Variants in EIF4EBP2 observed in about 807,000 individuals in gnomAD.
The protein encoded by EIF4EBP2 is eukaryotic translation initiation factor 4E-binding protein 2.
EIF4EBP2 carries 5 observed loss-of-function variants against 10.3 expected under a neutral mutation model. The observed-to-expected ratio is 0.48, with a 90% confidence interval of 0.25 to 1.02. EIF4EBP2 has a LOEUF of 1.02. Ranked by LOEUF, EIF4EBP2 falls within the 50% of genes least tolerant of loss-of-function variation. The pLI, the probability that EIF4EBP2 is intolerant of heterozygous loss-of-function variation, is 0.15. For synonymous variants in EIF4EBP2, 67 were observed against 61.1 expected (o/e 1.10, Z -0.45); for missense variants, 188 against 162.2 (o/e 1.16, Z -0.86).
At position 70,404,470 on chromosome 10, in the gene EIF4EBP2, C is replaced by T; in HGVS notation, c.69C>T (p.Ala23=). The T allele has an allele frequency of 6.3e-7, 1 of 1,599,748 alleles. No homozygotes were observed. The highest frequency in any genetic ancestry group is 8.5e-7 in the Non-Finnish European group (1 of 1,175,390). Reference sequence around the variant, plus strand: ...GCGCCATCCCCACCCGCACCGTGGCCATCAGCGACGCCGCGCAGCTACCTC... The same window carrying T: ...GCGCCATCCCCACCCGCACCGTGGCTATCAGCGACGCCGCGCAGCTACCTC... ...QSRAIPTRTV[A]ISDAAQLPHD... The change falls in exon 1 of 3, where the codon GCC becomes GCT. Residue 23 remains alanine, a synonymous_variant. Transcript: ENST00000373218.
In EIF4EBP2 at chr10:70,424,424, A is replaced by G. The variant is rs1316038244; in HGVS notation, c.*2677A>G. Reference sequence around the variant, plus strand: ...CTTATGGAGATAAATTGGCATTTAAAAAATAATTTCACAAGGCATGAGATA... The same window carrying G: ...CTTATGGAGATAAATTGGCATTTAAGAAATAATTTCACAAGGCATGAGATA... On this transcript the variant is annotated 3_prime_UTR_variant, in exon 3 of 3. Coordinates refer to ENST00000373218, the MANE Select transcript of EIF4EBP2 (RefSeq NM_004096.5). 6.6e-6 allele frequency: 1 copy of G among 152,232 alleles called. No individual in the cohort carries two copies. Among genetic ancestry groups the G allele is most frequent in the African/African-American group, 2.4e-5 (1 of 41,468 alleles). The allele number at this position is 152,232 out of a possible 1,614,324, so 9.4% of individuals were successfully genotyped here.
At position 70,404,656 on chromosome 10, in the gene EIF4EBP2, C is replaced by A; in HGVS notation, c.145+110C>A. 4.5e-6 allele frequency: 6 copies of A among 1,332,582 alleles called. No individual in the cohort carries two copies. In the South Asian group the frequency reaches 1.0e-4, roughly 22 times the overall value. The allele number at this position is 1,332,582 out of a possible 1,614,324, so 82.5% of individuals were successfully genotyped here. A position where few individuals can be genotyped will look rare whatever the true frequency, so the allele number is the denominator to read the frequency against. ...CCCCCGCCCCCAGCTCCACCGAAGC[C>A]CCGGGGACGCTGCCCTTGGGCCCGC... On this transcript the variant is annotated intron_variant, in intron 1 of 2. Transcript: ENST00000373218.
At position 70,404,262 on chromosome 10, in the gene EIF4EBP2, G is replaced by C; in HGVS notation, c.-140G>C. The C allele has an allele frequency of 8.8e-7, 1 of 1,134,350 alleles. No individual in the cohort carries two copies. Among genetic ancestry groups the C allele is most frequent in the Non-Finnish European group, 1.2e-6 (1 of 858,882 alleles). The allele number at this position is 1,134,350 out of a possible 1,614,324, so 70.3% of individuals were successfully genotyped here. A position where few individuals can be genotyped will look rare whatever the true frequency, so the allele number is the denominator to read the frequency against. ...GGCTGAGAGGGCGGCGGCGGGAGCG[G>C]AGCGGGACGAGGGAACGGGAGGAAG... On this transcript the variant is annotated 5_prime_UTR_variant, in exon 1 of 3. Transcript: ENST00000373218.
chr10:70,410,109 G>T (rs2137225291), intron 1 of EIF4EBP2, among the ~76,000 whole-genome samples: 1 of 151,830 alleles, frequency 6.6e-6, no homozygotes, highest in Non-Finnish European at 1.5e-5. Context: ...CACTCTTGTT[G>T]CCCAGGCTGG....
At chr10:70,421,079 G>A (rs1021361378) in intron 2 of EIF4EBP2, among the ~76,000 whole-genome samples, 1 of 152,244 alleles carries the variant, frequency 6.6e-6, no homozygotes, top group Non-Finnish European at 1.5e-5. Context: ...ACAGGTGTGA[G>A]CCACTGCGCC....
Position 70,420,078 on chromosome 10 carries a change from C to G in EIF4EBP2, c.310C>G (p.His104Asp), listed in dbSNP as rs778415969. 3.7e-6 allele frequency: 6 copies of G among 1,608,094 alleles called. No individual in the cohort carries two copies. The South Asian group carries it at 6.7e-5, about 18-fold the overall frequency. ...AAACAATTTGAACAACTTGAACAAT[C>G]ACGACAGGAAACATGCAGTTGGTAA... ...EVNNLNNLNNHDRKHAVGDDA... is the reference protein window; with the variant it reads ...EVNNLNNLNNDDRKHAVGDDA... The change falls in exon 2 of 3, where the codon CAC (histidine) becomes GAC (aspartate). Residue 104 changes from histidine (H) to aspartate (D), a missense_variant. Transcript: ENST00000373218.
At chr10:70,415,150 CCT>C (rs1212741838) in intron 1 of EIF4EBP2, among the ~76,000 whole-genome samples, 3 of 149,326 alleles carry the variant, frequency 2.0e-5, no homozygotes, top group South Asian at 2.1e-4. Flanking sequence ...AGAGCAAGAC[CCT>C]CTCTCGAAAA....
intron 2 of EIF4EBP2, 24 bp downstream of exon 2, chr10:70,420,123 A>G: frequency 1.3e-6 from 2 of 1,564,520 alleles, no homozygotes; most frequent in Non-Finnish European, 1.7e-6. Flanking sequence ...GATGTTGGAG[A>G]CCTAGAGCGT....
At chr10:70,411,945 T>C (rs1467693671) in intron 1 of EIF4EBP2, among the ~76,000 whole-genome samples, 1 of 152,244 alleles carries the variant, frequency 6.6e-6, no homozygotes, top group African/African-American at 2.4e-5. Context: ...AATGCAGATG[T>C]GGCTGACATT....
chr10:70,419,343 T>G (rs1467585382), intron 1 of EIF4EBP2, among the ~76,000 whole-genome samples: 2 of 152,236 alleles, frequency 1.3e-5, no homozygotes, highest in Admixed American at 6.5e-5. Context: ...GCAGATTGTT[T>G]TGTAGAATAG....
chr10:70,427,587 C>G lies in EIF4EBP2; in HGVS notation c.*5840C>G, dbSNP rs1359294500. The G allele has an allele frequency of 1.3e-5, 2 of 152,090 alleles. No individual in the cohort carries two copies. The highest frequency in any genetic ancestry group is 2.4e-5 in the African/African-American group (1 of 41,398). 9.4% of individuals were successfully genotyped at this position (152,090 alleles called of 1,614,324 possible). The stretch of plus-strand genomic sequence containing the variant: ...CTAGGCTGGTCCTGGAAGTTGATAA[C>G]CTTTTGGCAAAGCTTAGATTTAGGA... On this transcript the variant is annotated 3_prime_UTR_variant, in exon 3 of 3. Coordinates refer to ENST00000373218, the MANE Select transcript of EIF4EBP2 (RefSeq NM_004096.5).
intron 1 of EIF4EBP2, among the ~76,000 whole-genome samples, chr10:70,416,435 C>A (rs1186912324): frequency 6.6e-6 from 1 of 151,856 alleles, no homozygotes; most frequent in South Asian, 2.1e-4. Context: ...AAAAATTAGC[C>A]GGGCATGGTA....
chr10:70,407,462 A>C lies in EIF4EBP2; in HGVS notation c.145+2916A>C, dbSNP rs577440225. 5.3e-5 allele frequency among the ~76,000 whole-genome samples: 8 copies of C among 152,212 alleles called. No individual in the cohort carries two copies. In the South Asian group the frequency reaches 1.7e-3, roughly 32 times the overall value. On this transcript the variant is annotated intron_variant, in intron 1 of 2. Coordinates refer to ENST00000373218, the MANE Select transcript of EIF4EBP2 (RefSeq NM_004096.5). ...TCACAGATCAACAGGATCCCAAGGC[A>C]GAAGAATTTTTCTTAGTACAGAACA...
rs1057099295 is a variant in EIF4EBP2 at position 70,426,307 on chromosome 10, G to A, written c.*4560G>A. 3.3e-5 allele frequency: 5 copies of A among 152,116 alleles called. No individual in the cohort carries two copies. Among genetic ancestry groups the A allele is most frequent in the African/African-American group, 1.2e-4 (5 of 41,392 alleles). 9.4% of individuals were successfully genotyped at this position (152,116 alleles called of 1,614,324 possible). ...GACAAGAGTTGCGCCCTGTCGCCCA[G>A]GCTGGGGTGCTGGAGTGCAGTGGTG... On this transcript the variant is annotated 3_prime_UTR_variant, in exon 3 of 3. Transcript: ENST00000373218.
chr10:70,418,292 T>C (rs1442948834), intron 1 of EIF4EBP2, among the ~76,000 whole-genome samples: 2 of 152,252 alleles, frequency 1.3e-5, no homozygotes, highest in East Asian at 1.9e-4. Flanking sequence ...GTTGGACTTC[T>C]AGCCTCCAGA....
At position 70,425,651 on chromosome 10, in the gene EIF4EBP2, T is replaced by C. The variant is rs1329431282; in HGVS notation, c.*3904T>C. ...TATGCCTGACTACCAACAGCTCAAG[T>C]ATGCTTATTTGCACATCCTAGACTT... On this transcript the variant is annotated 3_prime_UTR_variant, in exon 3 of 3. Transcript: ENST00000373218. 6.6e-6 allele frequency: 1 copy of C among 152,186 alleles called. No homozygotes were observed. The highest frequency in any genetic ancestry group is 1.5e-5 in the Non-Finnish European group (1 of 68,036). 9.4% of individuals were successfully genotyped at this position (152,186 alleles called of 1,614,324 possible). A position where few individuals can be genotyped will look rare whatever the true frequency, so the allele number is the denominator to read the frequency against.
Position 70,413,145 on chromosome 10 carries a change from C to T in EIF4EBP2, c.146-6769C>T, listed in dbSNP as rs186510390. Reference sequence around the variant, plus strand: ...TTACTTTCTGTCTCTTGTTTCTCATCCTCTCTCCATTTACTAATTTCTGTA... The same window carrying T: ...TTACTTTCTGTCTCTTGTTTCTCATTCTCTCTCCATTTACTAATTTCTGTA... On this transcript the variant is annotated intron_variant, in intron 1 of 2. Transcript: ENST00000373218. Among the ~76,000 whole-genome samples, 9 of 152,246 alleles carry T rather than the reference C, an allele frequency of 5.9e-5. No homozygotes were observed. The East Asian group carries it at 1.7e-3, about 29-fold the overall frequency.
chr10:70,408,702 AG>A, intron 1 of EIF4EBP2, among the ~76,000 whole-genome samples: 1 of 152,276 alleles, frequency 6.6e-6, no homozygotes, highest in Non-Finnish European at 1.5e-5. Context: ...TTGTGTGCCC[AG>A]GGGAGTGGTT....
At position 70,427,779 on chromosome 10, in the gene EIF4EBP2, A is replaced by G. The variant is rs1430898350; in HGVS notation, c.*6032A>G. On this transcript the variant is annotated 3_prime_UTR_variant, in exon 3 of 3. Coordinates refer to ENST00000373218, the MANE Select transcript of EIF4EBP2 (RefSeq NM_004096.5). ...AAACTCTCACTCTGCCACCTTTCTAAGGGTGGGAGGCTGGCAGAGATGCTG... is the reference window on the plus strand; with the variant it reads ...AAACTCTCACTCTGCCACCTTTCTAGGGGTGGGAGGCTGGCAGAGATGCTG... 2 of 152,054 alleles carry G rather than the reference A, an allele frequency of 1.3e-5. No individual in the cohort carries two copies. The allele number at this position is 152,054 out of a possible 1,614,324, so 9.4% of individuals were successfully genotyped here. A position where few individuals can be genotyped will look rare whatever the true frequency, so the allele number is the denominator to read the frequency against.
Sources: allele counts gnomAD v4.1 joint callset (sites outside exome capture counted in the v4.1 genomes callset), GRCh38; gene constraint gnomAD v4.1.1; transcripts MANE v1.5; gene names NCBI Gene and HGNC (gene_info 2026-07-23, HGNC 2026-07-21).